The following ISM1 variants were observed in gnomAD, a reference collection of about 807,000 sequenced individuals.
The protein encoded by ISM1 is isthmin 1.
ISM1 carries 25 observed loss-of-function variants against 46.3 expected under a neutral mutation model. The ratio of observed to expected loss-of-function variants is 0.54; its 90% CI spans 0.39 to 0.75. The LOEUF is 0.75. Among genes scored for constraint, ISM1 ranks in the 30% least tolerant of loss-of-function variants. The probability of loss-of-function intolerance (pLI) is 0.00; values close to 1 mark genes in which losing one functional copy is unlikely to be tolerated. For missense variants in ISM1, 536 were observed against 625.4 expected, an observed-to-expected ratio of 0.86 and a Z score of 1.52; for synonymous variants, 255 against 256.7, an observed-to-expected ratio of 0.99 and a Z score of 0.06.
the ISM1 span, among the ~76,000 whole-genome samples, chr20:13,326,592 T>C: frequency 3.3e-5 from 5 of 152,310 alleles, no homozygotes; most frequent in East Asian, 9.6e-4. Flanking sequence ...GTTGTTAGTT[T>C]GATTTCCTTA....
chr20:13,305,731 G>T, the ISM1 span, among the ~76,000 whole-genome samples: 8 of 152,122 alleles, frequency 5.3e-5, no homozygotes, highest in African/African-American at 1.9e-4. Flanking sequence ...GAAGGAGAGG[G>T]ACATATTCCA....
the ISM1 span, among the ~76,000 whole-genome samples, chr20:13,311,515 C>T: frequency 6.6e-6 from 1 of 152,072 alleles, no homozygotes; most frequent in East Asian, 1.9e-4. Context: ...TACTCAATAG[C>T]TGAGATATGA....
At chr20:13,256,294 G>T (rs1304681690) in intron 1 of ISM1, among the ~76,000 whole-genome samples, 1 of 151,376 alleles carries the variant, frequency 6.6e-6, no homozygotes, top group African/African-American at 2.4e-5. Flanking sequence ...TATTCAGGAG[G>T]CTGAGACAGG....
At chr20:13,322,330 TAAGAG>T in the ISM1 span, among the ~76,000 whole-genome samples, 1 of 152,162 alleles carries the variant, frequency 6.6e-6, no homozygotes, top group Non-Finnish European at 1.5e-5. Flanking sequence ...CGGGTTGTTC[TAAGAG>T]AAAAGACACA....
chr20:13,310,386 A>G, the ISM1 span, among the ~76,000 whole-genome samples: 38 of 152,150 alleles, frequency 2.5e-4, no homozygotes, highest in Non-Finnish European at 4.7e-4. Context: ...AGAAGAATGA[A>G]ATTGGACTCT....
At chr20:13,264,469 A>G (rs910385) in intron 1 of ISM1, among the ~76,000 whole-genome samples, 1,921 of 152,134 alleles carry the variant, frequency 0.013, 38 homozygotes, top group African/African-American at 0.044. Flanking sequence ...AGGATGCATC[A>G]CTCATTTCCA....
intron 1 of ISM1, among the ~76,000 whole-genome samples, chr20:13,237,511 G>A (rs991424969): frequency 6.6e-6 from 1 of 152,168 alleles, no homozygotes. Context: ...TCAAAACCAG[G>A]AAAAAGGAAC....
At chr20:13,248,407 T>A (rs1455119096) in intron 1 of ISM1, among the ~76,000 whole-genome samples, 1 of 152,212 alleles carries the variant, frequency 6.6e-6, no homozygotes, top group East Asian at 1.9e-4. Context: ...ACCAGTGAGA[T>A]GTCTCCACTC....
At chr20:13,323,090 C>G in the ISM1 span, among the ~76,000 whole-genome samples, 1 of 151,704 alleles carries the variant, frequency 6.6e-6, no homozygotes, top group Non-Finnish European at 1.5e-5. Flanking sequence ...CACAGCGTCT[C>G]GGAGGAAAAA....
chr20:13,246,856 C>A (rs2039800136), intron 1 of ISM1, among the ~76,000 whole-genome samples: 1 of 152,226 alleles, frequency 6.6e-6, no homozygotes, highest in East Asian at 1.9e-4. Context: ...CTTGATAACT[C>A]CTGCATTGTA....
downstream of ISM1, among the ~76,000 whole-genome samples, chr20:13,304,178 A>C (rs1259765252): frequency 6.6e-6 from 1 of 152,204 alleles, no homozygotes; most frequent in East Asian, 1.9e-4. Flanking sequence ...CACTCTCCTC[A>C]GCTCTGCTAC....
intron 1 of ISM1, among the ~76,000 whole-genome samples, chr20:13,223,103 G>T (rs2039470300): frequency 6.6e-6 from 1 of 151,588 alleles, no homozygotes; most frequent in African/African-American, 2.4e-5. Flanking sequence ...GTTGTAGTGA[G>T]CTGAGATCGC....
At chr20:13,304,110 GA>G (rs1442139396), downstream of ISM1, among the ~76,000 whole-genome samples, 3 of 152,210 alleles carry the variant, frequency 2.0e-5, no homozygotes, top group African/African-American at 7.2e-5. Flanking sequence ...AAAGCAGGGA[GA>G]AAACTTGTAA....
intron 3 of ISM1, among the ~76,000 whole-genome samples, chr20:13,281,696 G>T (rs2040239665): frequency 6.6e-6 from 1 of 152,182 alleles, no homozygotes; most frequent in African/African-American, 2.4e-5. Context: ...AGAAATGAGT[G>T]CTTAGGTTGG....
At position 13,288,568 on chromosome 20, in the gene ISM1, T is replaced by A; in HGVS notation, c.672T>A (p.Ser224Arg). ...YDSTDGEGDW[S>R]LWSVCSVTCG... ...CCACAGATGGCGAGGGTGACTGGAG[T>A]CTCTGGTCTGTCTGCAGCGTCACCT... The change falls in exon 4 of 6, where the codon AGT becomes AGA. Residue 224 changes from serine (S) to arginine (R), a missense_variant. Coordinates refer to ENST00000262487, the MANE Select transcript of ISM1 (RefSeq NM_080826.2). 6.2e-7 allele frequency: 1 copy of A among 1,613,588 alleles called. No homozygotes were observed. The highest frequency in any genetic ancestry group is 1.1e-5 in the South Asian group (1 of 91,050).
chr20:13,270,872 C>A, intron 2 of ISM1, 129 bp downstream of exon 2: 2 of 820,220 alleles, frequency 2.4e-6, no homozygotes, highest in East Asian at 2.7e-5. Context: ...TGCTTAAGAT[C>A]ATGTTATCTC....
chr20:13,293,319 T>C (rs1034709049), intron 5 of ISM1, among the ~76,000 whole-genome samples: 4 of 152,120 alleles, frequency 2.6e-5, no homozygotes, highest in Non-Finnish European at 5.9e-5. Context: ...AAATGGAAAG[T>C]GACTCTTCAG....
intron 1 of ISM1, among the ~76,000 whole-genome samples, chr20:13,248,027 C>T (rs1453399988): frequency 1.3e-5 from 2 of 152,158 alleles, no homozygotes; most frequent in Non-Finnish European, 2.9e-5. Flanking sequence ...TTTCCAAGTG[C>T]TGTGCAAACC....
intron 1 of ISM1, among the ~76,000 whole-genome samples, chr20:13,227,582 C>G (rs1339365044): frequency 5.4e-5 from 8 of 148,804 alleles, no homozygotes; most frequent in Non-Finnish European, 8.9e-5. Flanking sequence ...GATCTTGGCT[C>G]ACTTCAAACT....
Sources: allele counts gnomAD v4.1 joint callset (sites outside exome capture counted in the v4.1 genomes callset), GRCh38; gene constraint gnomAD v4.1.1; transcripts MANE v1.5; gene names NCBI Gene and HGNC (gene_info 2026-07-23, HGNC 2026-07-21).